The following SNAPC3 variants were observed in gnomAD, a reference collection of about 807,000 sequenced individuals.
SNAPC3 encodes the protein small nuclear RNA activating complex polypeptide 3, also known as snRNA-activating protein complex subunit 3.
A neutral mutation model predicts 47.7 loss-of-function variants in SNAPC3; 56 were observed. The observed-to-expected ratio is 1.18, with a 90% CI of 0.95 to 1.47. SNAPC3 has a LOEUF of 1.47. Among genes scored for constraint, SNAPC3 ranks in the 40% most tolerant of loss-of-function variants. SNAPC3 has a pLI of 0.00. For synonymous variants in SNAPC3, 235 were observed against 189.9 expected, an observed-to-expected ratio of 1.24 and a Z score of -1.95; for missense variants, 665 against 511.3, an observed-to-expected ratio of 1.30 and a Z score of -2.90.
chr9:15,462,839 T>C (rs1467788033), downstream of SNAPC3: 2 of 152,226 alleles, frequency 1.3e-5, no homozygotes, highest in Admixed American at 1.3e-4. Context: ...AAGAGTTTAA[T>C]GATACAGGTT....
At chr9:15,465,233 C>T (rs2035537909), downstream of SNAPC3, 3 of 340,096 alleles carry the variant, frequency 8.8e-6, no homozygotes, top group South Asian at 2.1e-4. Context: ...TACACATTAA[C>T]ATACACACAC....
chr9:15,466,675 C>G, downstream of SNAPC3: 1 of 1,187,822 alleles, frequency 8.4e-7, no homozygotes, highest in South Asian at 1.5e-5. Flanking sequence ...AGTAAGATAA[C>G]CTTGGAACAG....
At chr9:15,437,052 C>T (rs1233015207) in intron 3 of SNAPC3, among the ~76,000 whole-genome samples, 2 of 151,862 alleles carry the variant, frequency 1.3e-5, no homozygotes, top group African/African-American at 4.8e-5. Context: ...CTCCAACTCC[C>T]AGCCTCAGGT....
At chr9:15,443,823 G>A (rs187633610) in intron 3 of SNAPC3, among the ~76,000 whole-genome samples, 154 of 152,372 alleles carry the variant, frequency 1.0e-3, no homozygotes, top group Non-Finnish European at 2.0e-3. Flanking sequence ...GCGAAGGAGT[G>A]AGGGTGGTAG....
downstream of SNAPC3, chr9:15,463,750 C>G (rs1351580274): frequency 1.3e-5 from 2 of 152,086 alleles, no homozygotes; most frequent in Middle Eastern, 3.2e-3. Flanking sequence ...GAACATACAT[C>G]AACTAGTTAG....
downstream of SNAPC3, chr9:15,462,069 GA>G (rs1273350586): frequency 6.6e-6 from 1 of 152,034 alleles, no homozygotes; most frequent in Non-Finnish European, 1.5e-5. Flanking sequence ...CATATGCAAG[GA>G]TATTTTATCT....
At chr9:15,459,473 G>A (rs927012710) in intron 8 of SNAPC3, among the ~76,000 whole-genome samples, 1 of 152,108 alleles carries the variant, frequency 6.6e-6, no homozygotes, top group Non-Finnish European at 1.5e-5. Context: ...TCCTTTAAGG[G>A]TAAGTATTAC....
At chr9:15,465,557 G>T, downstream of SNAPC3, 1 of 1,585,786 alleles carries the variant, frequency 6.3e-7, no homozygotes, top group Non-Finnish European at 8.6e-7. Flanking sequence ...AGATATTTCA[G>T]TCTCTCTCTC....
At chr9:15,464,483 C>T (rs976837091), downstream of SNAPC3, 11 of 200,440 alleles carry the variant, frequency 5.5e-5, no homozygotes, top group Middle Eastern at 1.6e-3. Flanking sequence ...AGTCCATACA[C>T]GTCAATGTAC....
downstream of SNAPC3, chr9:15,464,393 A>G (rs1290394733): frequency 2.0e-5 from 4 of 195,650 alleles, no homozygotes; most frequent in African/African-American, 9.2e-5. Flanking sequence ...AAATGACCCT[A>G]ATATTCAAAA....
In SNAPC3 at chr9:15,441,989, C is replaced by G. The variant is rs545807862; in HGVS notation, c.478-2613C>G. On this transcript the variant is annotated intron_variant, in intron 3 of 8. Transcript: ENST00000380821. ...GGGCGGCCAGGCAGAGGCGCCCCCC[C>G]ACCTCCCGGACAGGGCGGCGGCCAG... Among the ~76,000 whole-genome samples, 673 of 152,114 alleles carry G rather than the reference C, an allele frequency of 4.4e-3. 3 individuals are homozygous for G. The highest frequency in any genetic ancestry group is 0.015 in the African/African-American group (643 of 41,516).
At position 15,451,333 on chromosome 9, in the gene SNAPC3, C is replaced by G. The variant is rs1392771180; in HGVS notation, c.746C>G (p.Ser249Ter). Residue 249 changes from serine (S) to a stop codon, truncating the protein, a stop_gained, in exon 6 of 9, where the codon TCA becomes TGA. Coordinates refer to ENST00000380821, the MANE Select transcript of SNAPC3 (RefSeq NM_001039697.2). LOFTEE classifies it high-confidence loss of function. Reference protein sequence around the residue: ...PEHISKDLYKSAFFYFEGTFY... With the variant: ...PEHISKDLYK ...GTTTTCTTGTAGGACCTATACAAATCAGCCTTCTTTTATTTTGAAGGAACA... is the reference window on the plus strand; with the variant it reads ...GTTTTCTTGTAGGACCTATACAAATGAGCCTTCTTTTATTTTGAAGGAACA... 2 of 1,463,666 alleles carry G rather than the reference C, an allele frequency of 1.4e-6. No individual in the cohort carries two copies. The highest frequency in any genetic ancestry group is 1.4e-5 in the African/African-American group (1 of 71,880). The allele number at this position is 1,463,666 out of a possible 1,614,324, so 90.7% of individuals were successfully genotyped here. A position where few individuals can be genotyped will look rare whatever the true frequency, so the allele number is the denominator to read the frequency against.
chr9:15,464,092 A>C (rs888310891), downstream of SNAPC3: 1 of 178,886 alleles, frequency 5.6e-6, no homozygotes, highest in Non-Finnish European at 1.2e-5. Flanking sequence ...TTTAATGAAA[A>C]CAAGTTTACA....
Position 15,461,497 on chromosome 9 carries a change from AG to A in SNAPC3, c.*1632del, listed in dbSNP as rs1423652841. 6.6e-6 allele frequency: 1 copy of A among 152,212 alleles called. No homozygotes were observed. The highest frequency in any genetic ancestry group is 2.4e-5 in the African/African-American group (1 of 41,474). The allele number at this position is 152,212 out of a possible 1,614,324, so 9.4% of individuals were successfully genotyped here. A position where few individuals can be genotyped will look rare whatever the true frequency, so the allele number is the denominator to read the frequency against. On this transcript the variant is annotated 3_prime_UTR_variant, in exon 9 of 9. Coordinates refer to ENST00000380821, the MANE Select transcript of SNAPC3 (RefSeq NM_001039697.2). ...TCTTTATTTTCAGGTCTAGACCATC[AG>A]ATAGATTTATTCAAATATTTTCTGG...
intron 2 of SNAPC3, among the ~76,000 whole-genome samples, chr9:15,430,196 C>G (rs1036271025): frequency 3.9e-5 from 6 of 152,104 alleles, no homozygotes; most frequent in African/African-American, 1.4e-4. Context: ...TTGGGGAGGC[C>G]AAGATGGAAG....
At chr9:15,440,777 G>T (rs995520656) in intron 3 of SNAPC3, among the ~76,000 whole-genome samples, 1 of 151,868 alleles carries the variant, frequency 6.6e-6, no homozygotes, top group Non-Finnish European at 1.5e-5. Context: ...GTGAAACCCC[G>T]TCTCTACTAA....
At chr9:15,451,599 G>A (rs74447267) in intron 6 of SNAPC3, among the ~76,000 whole-genome samples, 197 bp downstream of exon 6, 5,912 of 152,202 alleles carry the variant, frequency 0.039, 167 homozygotes, top group Non-Finnish European at 0.063. Flanking sequence ...GCTGAGGCAG[G>A]AGAATCTTTT....
intron 3 of SNAPC3, among the ~76,000 whole-genome samples, chr9:15,436,771 A>G (rs1171678078): frequency 6.6e-6 from 1 of 151,586 alleles, no homozygotes; most frequent in East Asian, 1.9e-4. Flanking sequence ...CTTCCAATCC[A>G]TGAATGAGAT....
intron 2 of SNAPC3, among the ~76,000 whole-genome samples, chr9:15,425,403 A>G (rs1364238646): frequency 1.3e-5 from 2 of 152,062 alleles, no homozygotes; most frequent in Admixed American, 6.6e-5. Flanking sequence ...CATTTTTTGT[A>G]GAGACGGGTT....
Sources: gnomAD v4.1 joint callset for allele counts (sites outside exome capture counted in the v4.1 genomes callset) on GRCh38, gnomAD v4.1.1 for gene constraint, MANE v1.5 for transcripts, NCBI Gene and HGNC (gene_info 2026-07-23, HGNC 2026-07-21) for gene names.